Variants in DOT1L observed in about 807,000 individuals in gnomAD.
DOT1L encodes the protein DOT1 like histone lysine methyltransferase.
In DOT1L, 33 loss-of-function variants were observed where a neutral mutation model predicts 153.3. The observed-to-expected ratio is 0.22, with a 90% confidence interval of 0.16 to 0.29. The LOEUF is 0.29. Among genes scored for constraint, DOT1L ranks in the 10% least tolerant of loss-of-function variants. The pLI is 1.00. For synonymous variants in DOT1L, 1,135 were observed against 965.1 expected, an observed-to-expected ratio of 1.18 and a Z score of -3.26; for missense variants, 1,847 against 2,119.9, an observed-to-expected ratio of 0.87 and a Z score of 2.53.
At chr19:2,211,535 A>G (rs1293071141) in intron 15 of DOT1L, among the ~76,000 whole-genome samples, 1 of 152,186 alleles carries the variant, frequency 6.6e-6, no homozygotes, top group Non-Finnish European at 1.5e-5. Context: ...GGATGGCCCC[A>G]CGCGGTGAAC....
At chr19:2,221,825 C>T (rs1423762926) in intron 23 of DOT1L, 151 bp from the exon 24 acceptor site, 1 of 804,456 alleles carries the variant, frequency 1.2e-6, no homozygotes, top group Non-Finnish European at 1.9e-6. Context: ...CTGGTTCCAC[C>T]CCAGAGGGGC....
Position 2,232,502 on chromosome 19 carries a change from G to A in DOT1L, c.*2710G>A, listed in dbSNP as rs566431814. 5.0e-4 allele frequency: 111 copies of A among 221,232 alleles called. No homozygotes were observed. Among genetic ancestry groups the A allele is most frequent in the Non-Finnish European group, 8.5e-4 (94 of 110,430 alleles). 13.7% of individuals were successfully genotyped at this position (221,232 alleles called of 1,614,324 possible). On this transcript the variant is annotated 3_prime_UTR_variant, in exon 28 of 28. Transcript: ENST00000398665. ...CACGGTCCGCCCCTGGGCTGCAGGC[G>A]CCCCTTCCTCTGGGCACCCCTGCAT...
intron 1 of DOT1L, among the ~76,000 whole-genome samples, chr19:2,171,874 C>T (rs955718260): frequency 1.3e-5 from 2 of 152,122 alleles, no homozygotes; most frequent in Non-Finnish European, 2.9e-5. Context: ...AATGTATGCG[C>T]GGCAGTTACA....
At position 2,226,889 on chromosome 19, in the gene DOT1L, C is replaced by T. The variant is rs775541668; in HGVS notation, c.4368C>T (p.Ser1456=). Residue 1456 remains serine (S), a synonymous_variant, in exon 27 of 28, where the codon TCC becomes TCT. Transcript: ENST00000398665. ...PAASSAGGAA[S]SAQTHRSFLG... ...CGTCCTCCGCAGGCGGCGCGGCGTC[C>T]TCCGCCCAGACGCACCGGTCCTTCC... 33 of 1,577,174 alleles carry T rather than the reference C, an allele frequency of 2.1e-5. No homozygotes were observed. The Admixed American group carries it at 2.3e-4, about 11-fold the overall frequency.
chr19:2,164,353 C>T (rs1292512129), intron 1 of DOT1L, 88 bp downstream of exon 1: 1 of 888,624 alleles, frequency 1.1e-6, no homozygotes, highest in African/African-American at 1.7e-5. Flanking sequence ...AAGCCGCGCT[C>T]ACCGGTCCCC....
At chr19:2,168,923 A>G (rs1745388581) in intron 1 of DOT1L, among the ~76,000 whole-genome samples, 1 of 152,052 alleles carries the variant, frequency 6.6e-6, no homozygotes, top group Non-Finnish European at 1.5e-5. Context: ...CCTGCGTGGT[A>G]TTTCTAGGGC....
In DOT1L at chr19:2,226,886, G is replaced by T; in HGVS notation, c.4365G>T (p.Ala1455=). ...CGGCGTCCTCCGCAGGCGGCGCGGC[G>T]TCCTCCGCCCAGACGCACCGGTCCT... ...APAASSAGGA[A]SSAQTHRSFL... The change falls in exon 27 of 28, where the codon GCG becomes GCT. Residue 1455 remains alanine, a synonymous_variant. Coordinates refer to ENST00000398665, the MANE Select transcript of DOT1L (RefSeq NM_032482.3). The T allele has an allele frequency of 6.3e-7, 1 of 1,575,918 alleles. No individual in the cohort carries two copies. The highest frequency in any genetic ancestry group is 2.3e-5 in the East Asian group (1 of 42,618).
chr19:2,197,663 T>A lies in DOT1L; in HGVS notation c.652-2221T>A, dbSNP rs2023080455. Among the ~76,000 whole-genome samples the A allele has an allele frequency of 6.6e-6, 1 of 152,162 alleles. No homozygotes were observed. Among genetic ancestry groups the A allele is most frequent in the Admixed American group, 6.5e-5 (1 of 15,278 alleles). On this transcript the variant is annotated intron_variant, in intron 7 of 27. Coordinates refer to ENST00000398665, the MANE Select transcript of DOT1L (RefSeq NM_032482.3). This position sits in a 1 kb window ranked among gnomAD's most constrained non-coding sequence, Gnocchi z 4.1. ...GGTCTGGATTCCGTGCAGGTTTAGG[T>A]GCTCACGGTCAGGCCAGTGGCTCCT...
intron 2 of DOT1L, among the ~76,000 whole-genome samples, chr19:2,184,719 C>T (rs2022410753): frequency 6.6e-6 from 1 of 152,194 alleles, no homozygotes; most frequent in African/African-American, 2.4e-5. Context: ...GCACCGAATG[C>T]CGTCCTGTGG....
intron 27 of DOT1L, chr19:2,227,988 G>GT (rs1285296719): frequency 1.7e-6 from 2 of 1,146,118 alleles, no homozygotes; most frequent in Admixed American, 6.8e-5. Context: ...CGTCCTCCAC[G>GT]CCCCCCCTCC....
At position 2,228,121 on chromosome 19, in the gene DOT1L, C is replaced by T. The variant is rs1305180999; in HGVS notation, c.4606+994C>T. 1.3e-5 allele frequency: 18 copies of T among 1,362,492 alleles called. No homozygotes were observed. In the Admixed American group the frequency reaches 1.7e-4, roughly 13 times the overall value. The allele number at this position is 1,362,492 out of a possible 1,614,324, so 84.4% of individuals were successfully genotyped here. On this transcript the variant is annotated intron_variant, in intron 27 of 27. Coordinates refer to ENST00000398665, the MANE Select transcript of DOT1L (RefSeq NM_032482.3). ...TTCTTGCCCCCCACCTCTGCTGCCT[C>T]TCTGCCGCCTGCTAACGCCTCTTTG...
In DOT1L at chr19:2,220,135, C is replaced by T; in HGVS notation, c.2719C>T (p.Pro907Ser). ...ARSTPSPVLQ[P>S]RDPSSTLEKQ... The stretch of plus-strand genomic sequence containing the variant: ...GAGCACCCCCAGTCCCGTGCTGCAG[C>T]CCCGTGACCCCTCGTCCACACTTGA... Residue 907 changes from proline to serine, a missense_variant, in exon 23 of 28, where the codon CCC (proline) becomes TCC (serine). Transcript: ENST00000398665. The surrounding 1 kb of genome is among the most constrained non-coding windows in gnomAD (Gnocchi z 4.5). The T allele has an allele frequency of 6.2e-7, 1 of 1,612,188 alleles. No homozygotes were observed. Among genetic ancestry groups the T allele is most frequent in the South Asian group, 1.1e-5 (1 of 91,052 alleles).
At chr19:2,182,648 G>T (rs555507839) in intron 2 of DOT1L, among the ~76,000 whole-genome samples, 2 of 152,182 alleles carry the variant, frequency 1.3e-5, no homozygotes, top group East Asian at 3.9e-4. Flanking sequence ...GGTGCAGCAG[G>T]GGTGGAAGCC....
chr19:2,196,796 C>T (rs1489207488), intron 7 of DOT1L, among the ~76,000 whole-genome samples: 1 of 152,228 alleles, frequency 6.6e-6, no homozygotes, highest in Non-Finnish European at 1.5e-5. Context: ...GGGTACCCTT[C>T]CCTGCCCTGG....
At chr19:2,221,546 G>A (rs566150041) in intron 23 of DOT1L, 203 of 177,550 alleles carry the variant, frequency 1.1e-3, no homozygotes, top group Non-Finnish European at 2.1e-3. Context: ...CCTTCAAGGC[G>A]GCCATAGCTT....
At position 2,190,953 on chromosome 19, in the gene DOT1L, G is replaced by A. The variant is rs2022768626; in HGVS notation, c.265-59G>A. ...GCTGGGAAAGGTCCCGGGTCTTGGT[G>A]GTGGAGGGGCTGGGCCGTGAGGTTT... On this transcript the variant is annotated intron_variant, in intron 4 of 27. Transcript: ENST00000398665. This position sits in a 1 kb window ranked among gnomAD's most constrained non-coding sequence, Gnocchi z 4.8. The A allele has an allele frequency of 4.1e-6, 6 of 1,478,966 alleles. No individual in the cohort carries two copies. Among genetic ancestry groups the A allele is most frequent in the South Asian group, 1.2e-5 (1 of 82,918 alleles). 91.6% of individuals were successfully genotyped at this position (1,478,966 alleles called of 1,614,324 possible). A position where few individuals can be genotyped will look rare whatever the true frequency, so the allele number is the denominator to read the frequency against.
rs2144840351 is a variant in DOT1L at position 2,211,833 on chromosome 19, C to G, written c.1548C>G (p.Gly516=). 1 of 1,567,028 alleles carries G rather than the reference C, an allele frequency of 6.4e-7. No individual in the cohort carries two copies. The highest frequency in any genetic ancestry group is 8.7e-7 in the Non-Finnish European group (1 of 1,155,794). ...AGGCCAGCCTGCAGGAGCTGCTGGGCCAGGAGAAGGTGGGTCCTGGCCCCC... is the reference window on the plus strand; with the variant it reads ...AGGCCAGCCTGCAGGAGCTGCTGGGGCAGGAGAAGGTGGGTCCTGGCCCCC... ...QYKASLQELL[G]QEKEKNAQLL... Residue 516 remains glycine (G), a synonymous_variant, in exon 16 of 28, where the codon GGC becomes GGG. Coordinates refer to ENST00000398665, the MANE Select transcript of DOT1L (RefSeq NM_032482.3).
At chr19:2,188,720 C>T (rs1429545679) in intron 3 of DOT1L, among the ~76,000 whole-genome samples, 1 of 152,218 alleles carries the variant, frequency 6.6e-6, no homozygotes, top group Non-Finnish European at 1.5e-5. Flanking sequence ...TGGACACCTT[C>T]TGAGGTGGAG....
intron 1 of DOT1L, among the ~76,000 whole-genome samples, chr19:2,166,816 G>T (rs1307686075): frequency 6.6e-6 from 1 of 152,184 alleles, no homozygotes; most frequent in Non-Finnish European, 1.5e-5. Flanking sequence ...GTGGTGCCCT[G>T]ACCAGTGCTG....
Sources: allele counts gnomAD v4.1 joint callset (sites outside exome capture counted in the v4.1 genomes callset), GRCh38; gene constraint gnomAD v4.1.1; non-coding constraint Gnocchi (gnomAD v3.1); transcripts MANE v1.5; gene names NCBI Gene and HGNC (gene_info 2026-07-23, HGNC 2026-07-21).